Variants in DNAH14 observed in about 807,000 individuals in gnomAD.
The protein encoded by DNAH14 is dynein axonemal heavy chain 14, also known as axonemal beta dynein heavy chain 14.
Under a neutral mutation model 520.9 loss-of-function variants are expected in DNAH14, and 478 were observed. The ratio of observed to expected loss-of-function variants is 0.92; its 90% confidence interval spans 0.85 to 0.99. The LOEUF is 0.99. Among genes scored for constraint, DNAH14 ranks in the 50% least tolerant of loss-of-function variants. The probability of loss-of-function intolerance (pLI) is 0.00; values close to 1 mark genes in which losing one functional copy is unlikely to be tolerated. For missense variants in DNAH14, 4,831 were observed against 5,234.5 expected (o/e 0.92, Z 2.38); for synonymous variants, 1,581 against 1,757.2 (o/e 0.90, Z 2.51).
chr1:224,981,814 T>C (rs1418488578), intron 8 of DNAH14, among the ~76,000 whole-genome samples: 2 of 152,236 alleles, frequency 1.3e-5, no homozygotes, highest in Non-Finnish European at 2.9e-5. Context: ...ATCTTGGTTT[T>C]TCCTTTCTTC....
At chr1:225,213,888 A>T (rs986175927) in intron 41 of DNAH14, among the ~76,000 whole-genome samples, 2 of 152,168 alleles carry the variant, frequency 1.3e-5, no homozygotes, top group African/African-American at 4.8e-5. Flanking sequence ...TCCTAATTGA[A>T]TACCCTTTAT....
intron 52 of DNAH14, among the ~76,000 whole-genome samples, 195 bp from the exon 53 acceptor site, chr1:225,275,718 AT>A (rs1257107802): frequency 6.6e-6 from 1 of 152,198 alleles, no homozygotes; most frequent in Non-Finnish European, 1.5e-5. Context: ...TTAAAATATT[AT>A]TTTGAGAAAG....
intron 21 of DNAH14, among the ~76,000 whole-genome samples, chr1:225,090,008 G>A (rs931002022): frequency 2.0e-5 from 3 of 152,082 alleles, no homozygotes; most frequent in Non-Finnish European, 4.4e-5. Flanking sequence ...TGAAAAAGAA[G>A]AAGTAAAATA....
rs551213410 is a variant in DNAH14, at chr1:225,174,573, G to A, written c.5535+6545G>A. On this transcript the variant is annotated intron_variant, in intron 36 of 85. Transcript: ENST00000682510. ...ATTTATTAGTTTTAAAAGCTTTTTG[G>A]TGGAGTCGTTAGTACTTTCTGTATA... Among the ~76,000 whole-genome samples the A allele has an allele frequency of 2.0e-4, 31 of 152,200 alleles. No individual in the cohort carries two copies. The East Asian group carries it at 5.8e-3, about 28-fold the overall frequency.
At chr1:225,043,668 A>T in intron 13 of DNAH14, 76 bp from the exon 14 acceptor site, 1 of 1,071,074 alleles carries the variant, frequency 9.3e-7, no homozygotes, top group Non-Finnish European at 1.4e-6. Flanking sequence ...GCACTGGCAT[A>T]TATTAATTTG....
intron 36 of DNAH14, among the ~76,000 whole-genome samples, chr1:225,175,193 C>A (rs978017982): frequency 6.6e-6 from 1 of 152,068 alleles, no homozygotes; most frequent in African/African-American, 2.4e-5. Flanking sequence ...CTTCATAGAA[C>A]ACATTGGGAA....
chr1:225,031,433 AGTT>A lies in DNAH14; in HGVS notation c.1359-7255_1359-7253del, dbSNP rs142215425. On this transcript the variant is annotated intron_variant, in intron 11 of 85. Coordinates refer to ENST00000682510, the MANE Select transcript of DNAH14 (RefSeq NM_001367479.1). ...CTTTTGCACTACAAAGGCAAAATTC[AGTT>A]GTTGTGACCGACCACCACATATGGT... 5.5e-4 allele frequency among the ~76,000 whole-genome samples: 84 copies of A among 152,162 alleles called. 1 individual carries two copies. In the East Asian group the frequency reaches 0.015, roughly 28 times the overall value.
intron 66 of DNAH14, among the ~76,000 whole-genome samples, chr1:225,333,776 G>T (rs2094851197): frequency 6.6e-6 from 1 of 151,806 alleles, no homozygotes; most frequent in Non-Finnish European, 1.5e-5. Context: ...ATGAATATAG[G>T]CAATTTCTCT....
chr1:224,962,626 G>T (rs967409013), intron 4 of DNAH14, among the ~76,000 whole-genome samples: 3 of 152,124 alleles, frequency 2.0e-5, no homozygotes, highest in African/African-American at 7.2e-5. Flanking sequence ...CTGACACTTT[G>T]ATTTCTGCCC....
intron 52 of DNAH14, among the ~76,000 whole-genome samples, chr1:225,273,518 A>G (rs1008017518): frequency 3.9e-5 from 6 of 152,258 alleles, no homozygotes; most frequent in African/African-American, 9.6e-5. Context: ...AAAAATTTAT[A>G]TAATACTGAA....
At chr1:225,108,058 A>G (rs1332589027) in intron 23 of DNAH14, among the ~76,000 whole-genome samples, 2 of 152,174 alleles carry the variant, frequency 1.3e-5, no homozygotes, top group African/African-American at 2.4e-5. Flanking sequence ...CCCACCCTCA[A>G]TCTGGGTAGA....
chr1:225,345,929 C>G (rs2095279645), intron 69 of DNAH14, 33 bp from the exon 70 acceptor site: 1 of 1,502,636 alleles, frequency 6.7e-7, no homozygotes, highest in Non-Finnish European at 9.0e-7. Context: ...TTACAATAGT[C>G]TTTATTTAAC....
In DNAH14 at chr1:225,362,749, G is replaced by C. The variant is rs554370163; in HGVS notation, c.11987+1858G>C. ...ACTTCTTTATTAAATCAAGCCTTTA[G>C]ATATTTAAGATGACCACTCTACCAG... is the stretch of plus-strand genomic sequence containing the variant. On this transcript the variant is annotated intron_variant, in intron 75 of 85. Transcript: ENST00000682510. Among the ~76,000 whole-genome samples, 11 of 152,138 alleles carry C rather than the reference G, an allele frequency of 7.2e-5. No homozygotes were observed. In the East Asian group the frequency reaches 1.9e-3, roughly 27 times the overall value.
chr1:225,163,407 G>C (rs1484409113), intron 35 of DNAH14, among the ~76,000 whole-genome samples: 7 of 152,118 alleles, frequency 4.6e-5, no homozygotes, highest in Non-Finnish European at 1.0e-4. Flanking sequence ...GAATAACAGT[G>C]GTGAAAATGG....
chr1:224,940,042 A>G (rs560993292), intron 1 of DNAH14, among the ~76,000 whole-genome samples: 10 of 152,334 alleles, frequency 6.6e-5, no homozygotes, highest in South Asian at 6.2e-4. Flanking sequence ...TTGCTGCTCT[A>G]TGTGGCATTG....
intron 12 of DNAH14, among the ~76,000 whole-genome samples, chr1:225,042,011 A>G (rs1335043793): frequency 6.6e-6 from 1 of 152,196 alleles, no homozygotes; most frequent in African/African-American, 2.4e-5. Context: ...CATCATCCTG[A>G]ACAAACACTA....
intron 54 of DNAH14, among the ~76,000 whole-genome samples, chr1:225,287,923 A>C (rs75921956): frequency 1.2e-3 from 186 of 152,292 alleles, no homozygotes; most frequent in African/African-American, 4.3e-3. Flanking sequence ...TTAAATAATA[A>C]TCCAAAGTGT....
chr1:225,336,191 A>T (rs2095049388), intron 66 of DNAH14, among the ~76,000 whole-genome samples: 1 of 148,848 alleles, frequency 6.7e-6, no homozygotes, highest in Non-Finnish European at 1.5e-5. Flanking sequence ...ACTATGCAAC[A>T]GTATAAACCA....
At chr1:225,304,830 A>T in intron 57 of DNAH14, 78 bp from the exon 58 acceptor site, 5 of 1,235,304 alleles carry the variant, frequency 4.0e-6, no homozygotes, top group Non-Finnish European at 5.5e-6. Context: ...ATTTTAATTA[A>T]TTCTAAGTGT....
Sources: gnomAD v4.1 joint callset for allele counts (sites outside exome capture counted in the v4.1 genomes callset) on GRCh38, gnomAD v4.1.1 for gene constraint, MANE v1.5 for transcripts, NCBI Gene and HGNC (gene_info 2026-07-23, HGNC 2026-07-21) for gene names.